AACS: variants seen among roughly 807,000 people sequenced by gnomAD.
AACS encodes acetoacetate-CoA ligase.
A neutral mutation model predicts 83.1 loss-of-function variants in AACS; 69 were observed. That is an observed-to-expected ratio of 0.83 (90% CI 0.68 to 1.01). The LOEUF is 1.01. AACS is among the 50% of genes least tolerant of loss of function. The pLI is 0.00. For missense variants in AACS, 866 were observed against 882.2 expected, an observed-to-expected ratio of 0.98 and a Z score of 0.23; for synonymous variants, 333 against 343.4, an observed-to-expected ratio of 0.97 and a Z score of 0.33.
At chr12:125,091,550 G>A (rs751464399) in intron 5 of AACS, 27 bp downstream of exon 5, 1 of 1,608,014 alleles carries the variant, frequency 6.2e-7, no homozygotes, top group Non-Finnish European at 8.5e-7. Flanking sequence ...GACAGAGGGG[G>A]CACCCCTTGC....
chr12:125,090,788 G>A (rs1956466232), intron 4 of AACS, among the ~76,000 whole-genome samples: 1 of 152,188 alleles, frequency 6.6e-6, no homozygotes. Context: ...GCAGGGCATG[G>A]TAAAAGGCAT....
At chr12:125,099,305 G>A (rs1956672987) in intron 5 of AACS, among the ~76,000 whole-genome samples, 1 of 152,206 alleles carries the variant, frequency 6.6e-6, no homozygotes, top group Admixed American at 6.5e-5. Flanking sequence ...CAGAGACTTG[G>A]TGGTGCTCGC....
intron 1 of AACS, among the ~76,000 whole-genome samples, chr12:125,072,867 A>G (rs1258471919): frequency 6.6e-6 from 1 of 151,754 alleles, no homozygotes; most frequent in Non-Finnish European, 1.5e-5. Context: ...TGGGCATAAA[A>G]GTTAGACTGT....
rs1957291540 is a variant in AACS, at chr12:125,129,266, A to G, written c.1424-69A>G. ...TGCATAATAAGTAATAGCTTAAGAA[A>G]GAGAGAGAGACAGCCAGGGTGTGTG... is the stretch of plus-strand genomic sequence containing the variant. On this transcript the variant is annotated intron_variant, in intron 13 of 17. Transcript: ENST00000316519. This position sits in a 1 kb window ranked among gnomAD's most constrained non-coding sequence, Gnocchi z 4.3. 1 of 1,520,818 alleles carries G rather than the reference A, an allele frequency of 6.6e-7. No individual in the cohort carries two copies. The allele number at this position is 1,520,818 out of a possible 1,614,324, so 94.2% of individuals were successfully genotyped here.
rs1427928191 is a variant in AACS at position 125,107,240 on chromosome 12, C to T, written c.887C>T (p.Ala296Val). ...ATGTTCTCATCGGGCACCACGGGCG[C>T]ACCCAAGTGCATGGTGCATTCCGCT... ...FIMFSSGTTG[A>V]PKCMVHSAGG... is the part of the protein sequence containing the mutation. The change falls in exon 8 of 18, where the codon GCA becomes GTA. Residue 296 changes from alanine (A) to valine (V), a missense_variant. Physicochemically the swap from Ala to Val is moderately conservative, Grantham distance 64. Coordinates refer to ENST00000316519, the MANE Select transcript of AACS (RefSeq NM_023928.5). 1.2e-6 allele frequency: 2 copies of T among 1,613,902 alleles called. No individual in the cohort carries two copies. The highest frequency in any genetic ancestry group is 1.3e-5 in the African/African-American group (1 of 74,950).
chr12:125,096,932 T>C (rs1372766406), intron 5 of AACS, among the ~76,000 whole-genome samples: 6 of 151,986 alleles, frequency 3.9e-5, no homozygotes, highest in Non-Finnish European at 8.8e-5. Flanking sequence ...TCCTGGATGC[T>C]TCTGTCCCAG....
At chr12:125,086,534 G>A (rs1243464547) in intron 4 of AACS, 91 bp downstream of exon 4, 10 of 1,170,998 alleles carry the variant, frequency 8.5e-6, no homozygotes, top group Admixed American at 3.8e-5. Flanking sequence ...AAATAAGGGG[G>A]AGTCATGTCA....
At chr12:125,126,579 G>GTTTTTT in intron 12 of AACS, 1 of 139,832 alleles carries the variant, frequency 7.2e-6, no homozygotes, top group Non-Finnish European at 1.6e-5. Context: ...CTTTGGGTCA[G>GTTTTTT]TTTTTTTTTT....
Position 125,072,732 on chromosome 12 carries a change from G to A in AACS, c.134-1144G>A, listed in dbSNP as rs1039869848. 2.6e-5 allele frequency among the ~76,000 whole-genome samples: 4 copies of A among 152,158 alleles called. 1 individual carries two copies. Among genetic ancestry groups the A allele is most frequent in the Admixed American group, 1.3e-4 (2 of 15,268 alleles). ...CAGCGAGGCTGGGGTTAGTTTTTCAGTGAAGTCACATTTCCTTTAGGAGTT... is the reference window on the plus strand; with the variant it reads ...CAGCGAGGCTGGGGTTAGTTTTTCAATGAAGTCACATTTCCTTTAGGAGTT... On this transcript the variant is annotated intron_variant, in intron 1 of 17. Coordinates refer to ENST00000316519, the MANE Select transcript of AACS (RefSeq NM_023928.5).
At chr12:125,073,239 T>G (rs1955925814) in intron 1 of AACS, among the ~76,000 whole-genome samples, 2 of 152,156 alleles carry the variant, frequency 1.3e-5, no homozygotes, top group African/African-American at 4.8e-5. Context: ...CCATATGACT[T>G]TTTACACTTT....
At chr12:125,141,082 T>G (rs1457214207) in intron 17 of AACS, 1 of 152,230 alleles carries the variant, frequency 6.6e-6, no homozygotes, top group Non-Finnish European at 1.5e-5. Context: ...CACCCCTACT[T>G]TCATTCGAGG....
At chr12:125,081,523 C>G (rs984127448) in intron 3 of AACS, among the ~76,000 whole-genome samples, 1 of 152,102 alleles carries the variant, frequency 6.6e-6, no homozygotes, top group Non-Finnish European at 1.5e-5. Flanking sequence ...GAGCTCTGCT[C>G]CATGCTCACT....
intron 7 of AACS, chr12:125,105,837 A>C (rs57489122): frequency 6.6e-6 from 1 of 152,180 alleles, no homozygotes; most frequent in Non-Finnish European, 1.5e-5. Flanking sequence ...TTGACAGAAA[A>C]GGCTTTTCTC....
chr12:125,115,709 C>T (rs1381631468), intron 9 of AACS, among the ~76,000 whole-genome samples: 1 of 151,770 alleles, frequency 6.6e-6, no homozygotes, highest in East Asian at 1.9e-4. Context: ...CACACAGGTG[C>T]AGGAGAGTAT....
intron 3 of AACS, among the ~76,000 whole-genome samples, chr12:125,077,033 G>A (rs1430508838): frequency 6.6e-6 from 1 of 150,860 alleles, no homozygotes; most frequent in Non-Finnish European, 1.5e-5. Context: ...TCAGCTTCCT[G>A]AGTAGCTGGG....
chr12:125,065,863 C>G, intron 1 of AACS, 146 bp downstream of exon 1: 1 of 1,272,684 alleles, frequency 7.9e-7, no homozygotes, highest in Non-Finnish European at 1.0e-6. Flanking sequence ...GCGGGGTTCC[C>G]CCCAGTCTTG....
intron 7 of AACS, among the ~76,000 whole-genome samples, chr12:125,104,090 C>A (rs1391677568): frequency 6.8e-6 from 1 of 147,644 alleles, no homozygotes; most frequent in Non-Finnish European, 1.5e-5. Flanking sequence ...TGAATTCTTC[C>A]CAAAGTTCTT....
rs1956632820 is a variant in AACS at position 125,097,466 on chromosome 12, T to G, written c.571-5213T>G. On this transcript the variant is annotated intron_variant, in intron 5 of 17. Coordinates refer to ENST00000316519, the MANE Select transcript of AACS (RefSeq NM_023928.5). This position sits in a 1 kb window ranked among gnomAD's most constrained non-coding sequence, Gnocchi z 4.3. ...AAAAAAAAAAGTGCGTTGGGGCAGC[T>G]CCAAGGGCGTCTCTGTAATAATGTC... 6.7e-6 allele frequency among the ~76,000 whole-genome samples: 1 copy of G among 148,508 alleles called. No individual in the cohort carries two copies. The highest frequency in any genetic ancestry group is 1.5e-5 in the Non-Finnish European group (1 of 67,444).
chr12:125,072,935 TTTTTTTTTTTGAGA>T (rs1565920792), intron 1 of AACS, among the ~76,000 whole-genome samples: 1 of 143,848 alleles, frequency 7.0e-6, no homozygotes, highest in Non-Finnish European at 1.5e-5. Flanking sequence ...TTTTTTTTTT[TTTTTTTTTTTGAGA>T]TGGAGTTTCG....
Sources: allele counts gnomAD v4.1 joint callset (sites outside exome capture counted in the v4.1 genomes callset), GRCh38; gene constraint gnomAD v4.1.1; non-coding constraint Gnocchi (gnomAD v3.1); transcripts MANE v1.5; gene names NCBI Gene and HGNC (gene_info 2026-07-23, HGNC 2026-07-21).